GABRB2: variants seen among roughly 807,000 people sequenced by gnomAD.
The protein encoded by GABRB2 is gamma-aminobutyric acid receptor subunit beta-2.
A neutral mutation model predicts 54.7 loss-of-function variants in GABRB2; 16 were observed. The observed-to-expected ratio is 0.29, with a 90% confidence interval of 0.20 to 0.44. GABRB2 has a LOEUF of 0.44. Among genes scored for constraint, GABRB2 ranks in the 20% least tolerant of loss-of-function variants. The probability of loss-of-function intolerance (pLI) is 1.00; values close to 1 mark genes in which losing one functional copy is unlikely to be tolerated. For synonymous variants in GABRB2, 244 were observed against 233.8 expected, an observed-to-expected ratio of 1.04 and a Z score of -0.40; for missense variants, 355 against 644.0, an observed-to-expected ratio of 0.55 and a Z score of 4.86.
intron 5 of GABRB2, among the ~76,000 whole-genome samples, chr5:161,388,136 A>G (rs924314092): frequency 4.6e-5 from 7 of 152,116 alleles, no homozygotes; most frequent in Non-Finnish European, 8.8e-5. Context: ...GGAAGATTTG[A>G]GAGTAGAAAA....
intron 3 of GABRB2, among the ~76,000 whole-genome samples, chr5:161,522,439 G>T (rs1456016088): frequency 6.6e-6 from 1 of 151,694 alleles, no homozygotes; most frequent in Non-Finnish European, 1.5e-5. Flanking sequence ...AAAAACAATT[G>T]CAAACTACTC....
intron 9 of GABRB2, among the ~76,000 whole-genome samples, chr5:161,297,511 T>G (rs1462950247): frequency 6.6e-6 from 1 of 152,090 alleles, no homozygotes; most frequent in Non-Finnish European, 1.5e-5. Context: ...CAACTCCCAC[T>G]TATGAGTGAG....
intron 3 of GABRB2, among the ~76,000 whole-genome samples, chr5:161,520,614 T>C (rs888408731): frequency 4.6e-5 from 7 of 152,070 alleles, no homozygotes; most frequent in Admixed American, 1.3e-4. Context: ...GTTGAAGAGA[T>C]TGGGGCTCAG....
chr5:161,545,081 G>A (rs1220531445), intron 3 of GABRB2, 146 bp downstream of exon 3: 4 of 532,494 alleles, frequency 7.5e-6, no homozygotes, highest in Non-Finnish European at 6.7e-6. Flanking sequence ...CCTCAACACA[G>A]GGTATTCTAG....
In GABRB2 at chr5:161,542,688, A is replaced by G. The variant is rs547937904; in HGVS notation, c.237+2539T>C. Among the ~76,000 whole-genome samples, 69 of 152,342 alleles carry G rather than the reference A, an allele frequency of 4.5e-4. 1 individual carries two copies. Among genetic ancestry groups the G allele is most frequent in the African/African-American group, 1.6e-3 (66 of 41,588 alleles). Reference sequence around the variant, plus strand: ...GTTCCCTACCATTCTTCAAAGAAAGACATGCTATATCATAAGAGAAAGTTA... The same window carrying G: ...GTTCCCTACCATTCTTCAAAGAAAGGCATGCTATATCATAAGAGAAAGTTA... On this transcript the variant is annotated intron_variant, in intron 3 of 9. Coordinates refer to ENST00000393959, the MANE Select transcript of GABRB2 (RefSeq NM_001371727.1).
chr5:161,546,238 CTAGGGAGAGGGAAGAGA>C, intron 2 of GABRB2, 67 bp downstream of exon 2: 1 of 1,079,514 alleles, frequency 9.3e-7, no homozygotes, highest in South Asian at 1.3e-5. Context: ...GCACCCACAA[CTAGGGAGAGGGAAGAGA>C]GCGCGCACAA....
intron 3 of GABRB2, among the ~76,000 whole-genome samples, chr5:161,508,878 C>T (rs186509624): frequency 1.3e-5 from 2 of 152,038 alleles, no homozygotes; most frequent in African/African-American, 4.8e-5. Flanking sequence ...AAGTGTTCTG[C>T]TAATATAAAC....
In GABRB2 at chr5:161,319,830, G is replaced by T. The variant is rs566263859; in HGVS notation, c.1191+6538C>A. ...TTTTGAGTGGGAGTTATATTTTTCT[G>T]TCAATTTTGTTAAGTTCATCTTTAG... On this transcript the variant is annotated intron_variant, in intron 9 of 9. Coordinates refer to ENST00000393959, the MANE Select transcript of GABRB2 (RefSeq NM_001371727.1). Among the ~76,000 whole-genome samples, 4 of 151,620 alleles carry T rather than the reference G, an allele frequency of 2.6e-5. No individual in the cohort carries two copies. The South Asian group carries it at 8.3e-4, about 31-fold the overall frequency.
At chr5:161,536,215 A>G (rs762043222) in intron 3 of GABRB2, among the ~76,000 whole-genome samples, 7 of 152,006 alleles carry the variant, frequency 4.6e-5, no homozygotes, top group Non-Finnish European at 1.0e-4. Flanking sequence ...TGTTATGATG[A>G]TGGTGGAGAA....
intron 3 of GABRB2, among the ~76,000 whole-genome samples, chr5:161,492,999 A>T (rs1242261415): frequency 2.6e-5 from 4 of 151,750 alleles, no homozygotes; most frequent in African/African-American, 9.7e-5. Flanking sequence ...GCAAATATAT[A>T]TTTTTGCACT....
chr5:161,372,799 C>A (rs1755169836), intron 5 of GABRB2, among the ~76,000 whole-genome samples: 1 of 152,062 alleles, frequency 6.6e-6, no homozygotes, highest in Non-Finnish European at 1.5e-5. Flanking sequence ...AATTAAAGGA[C>A]CAGTTATGAA....
chr5:161,329,599 A>G (rs909851774), intron 8 of GABRB2: 1 of 152,230 alleles, frequency 6.6e-6, no homozygotes, highest in African/African-American at 2.4e-5. Context: ...AATACAACTC[A>G]ATGGCAGAGA....
rs139691753 is a variant in GABRB2, at chr5:161,490,278, C to T, written c.238-30434G>A. Among the ~76,000 whole-genome samples the T allele has an allele frequency of 4.0e-5, 6 of 151,630 alleles. No homozygotes were observed. In the East Asian group the frequency reaches 1.2e-3, roughly 30 times the overall value. On this transcript the variant is annotated intron_variant, in intron 3 of 9. Coordinates refer to ENST00000393959, the MANE Select transcript of GABRB2 (RefSeq NM_001371727.1). ...CCAGCATTTTGAGAGATAGAATAAA[C>T]ATAAATCTCCACAATAAAAAAATGT...
chr5:161,471,746 G>A (rs756437956), intron 3 of GABRB2, among the ~76,000 whole-genome samples: 4 of 151,902 alleles, frequency 2.6e-5, no homozygotes, highest in Non-Finnish European at 5.9e-5. Flanking sequence ...CCTAGCAGAG[G>A]ACTCAGTTCA....
In GABRB2 at chr5:161,428,288, CGTGTGTGTGTGTGT is replaced by C. The variant is rs71302909; in HGVS notation, c.459-17245_459-17232del. Among the ~76,000 whole-genome samples, 8 of 145,292 alleles carry C rather than the reference CGTGTGTGTGTGTGT, an allele frequency of 5.5e-5. No individual in the cohort carries two copies. The South Asian group carries it at 9.0e-4, about 16-fold the overall frequency. On this transcript the variant is annotated intron_variant, in intron 4 of 9. Transcript: ENST00000393959. ...ACATATCTATCATCTCAGAGAGTTACGTGTGTGTGTGTGTGTGTGTGTGTGTGTGTGTGTGACAA... is the reference window on the plus strand; with the variant it reads ...ACATATCTATCATCTCAGAGAGTTACGTGTGTGTGTGTGTGTGTGTGACAA...
intron 2 of GABRB2, 61 bp from the exon 3 acceptor site, chr5:161,545,355 T>A: frequency 7.4e-7 from 1 of 1,344,068 alleles, no homozygotes. Flanking sequence ...TCAGCAAGAG[T>A]TATCCCTGAG....
chr5:161,447,814 A>G (rs1757679898), intron 4 of GABRB2, among the ~76,000 whole-genome samples: 1 of 152,136 alleles, frequency 6.6e-6, no homozygotes, highest in African/African-American at 2.4e-5. Flanking sequence ...TAATTTTTTA[A>G]TCTTCTACCT....
intron 5 of GABRB2, among the ~76,000 whole-genome samples, chr5:161,353,608 A>C (rs1554095323): frequency 6.6e-6 from 1 of 152,012 alleles, no homozygotes; most frequent in Non-Finnish European, 1.5e-5. Flanking sequence ...TTACAACTTG[A>C]ATCTGTAACC....
chr5:161,537,902 A>G (rs2113469893), intron 3 of GABRB2, among the ~76,000 whole-genome samples: 1 of 151,898 alleles, frequency 6.6e-6, no homozygotes, highest in African/African-American at 2.4e-5. Flanking sequence ...CCCTAATACC[A>G]TTTATTTATC....
Sources: gnomAD v4.1 joint callset for allele counts (sites outside exome capture counted in the v4.1 genomes callset) on GRCh38, gnomAD v4.1.1 for gene constraint, MANE v1.5 for transcripts, NCBI Gene and HGNC (gene_info 2026-07-23, HGNC 2026-07-21) for gene names.